Variants in GABRA2 observed in about 807,000 individuals in gnomAD.
GABRA2 encodes the protein gamma-aminobutyric acid receptor subunit alpha-2.
Under a neutral mutation model 48.7 loss-of-function variants are expected in GABRA2, and 16 were observed. The observed-to-expected ratio is 0.33, with a 90% CI of 0.22 to 0.50. The LOEUF (loss-of-function observed/expected upper bound fraction) is 0.50. Ranked by LOEUF, GABRA2 falls within the 20% of genes least tolerant of loss-of-function variation. The pLI is 0.98. For missense variants in GABRA2, 275 were observed against 535.6 expected (o/e 0.51, Z 4.80); for synonymous variants, 185 against 184.5 (o/e 1.00, Z -0.02).
chr4:46,282,465 A>G (rs1721717999), intron 8 of GABRA2, among the ~76,000 whole-genome samples: 1 of 152,230 alleles, frequency 6.6e-6, no homozygotes, highest in Non-Finnish European at 1.5e-5. Flanking sequence ...ACAACTTTAC[A>G]TGGATTTTAT....
chr4:46,292,912 T>A (rs1346080493), intron 8 of GABRA2, among the ~76,000 whole-genome samples: 1 of 152,160 alleles, frequency 6.6e-6, no homozygotes, highest in Non-Finnish European at 1.5e-5. Context: ...GATCTAACAG[T>A]GACAATTGCA....
chr4:46,290,003 C>T (rs1480145508), intron 8 of GABRA2, among the ~76,000 whole-genome samples: 1 of 150,880 alleles, frequency 6.6e-6, no homozygotes, highest in Non-Finnish European at 1.5e-5. Flanking sequence ...GACCCGCCTC[C>T]CGGGTTCACG....
At chr4:46,292,050 A>G (rs1483076714) in intron 8 of GABRA2, among the ~76,000 whole-genome samples, 1 of 152,054 alleles carries the variant, frequency 6.6e-6, no homozygotes, top group African/African-American at 2.4e-5. Flanking sequence ...AGTTACGCCA[A>G]ATGAGTGCAT....
At chr4:46,387,841 AG>A (rs1343883564) in intron 2 of GABRA2, among the ~76,000 whole-genome samples, 1 of 152,170 alleles carries the variant, frequency 6.6e-6, no homozygotes, top group Non-Finnish European at 1.5e-5. Context: ...AATAGTTACA[AG>A]AACATTCTTA....
chr4:46,334,208 T>C (rs968504692), intron 3 of GABRA2, among the ~76,000 whole-genome samples: 5 of 152,150 alleles, frequency 3.3e-5, no homozygotes, highest in Non-Finnish European at 7.4e-5. Flanking sequence ...CCATGCTTCA[T>C]TTAATGGTCT....
chr4:46,314,596 G>T (rs142560319), intron 4 of GABRA2, among the ~76,000 whole-genome samples: 2 of 152,154 alleles, frequency 1.3e-5, no homozygotes, highest in East Asian at 3.9e-4. Context: ...CAGAGAGTTA[G>T]CATGTTACCC....
intron 3 of GABRA2, among the ~76,000 whole-genome samples, chr4:46,336,553 T>C (rs1387270494): frequency 1.3e-5 from 2 of 152,150 alleles, no homozygotes; most frequent in Admixed American, 1.3e-4. Context: ...CCAAGAGTAA[T>C]ATGCAAAAGT....
At chr4:46,376,351 C>A (rs1015026413) in intron 3 of GABRA2, among the ~76,000 whole-genome samples, 7 of 152,096 alleles carry the variant, frequency 4.6e-5, no homozygotes, top group African/African-American at 1.7e-4. Flanking sequence ...GCTTATGGTC[C>A]AATTTATCCA....
At chr4:46,300,067 T>C (rs1383494879) in intron 8 of GABRA2, among the ~76,000 whole-genome samples, 2 of 152,146 alleles carry the variant, frequency 1.3e-5, no homozygotes, top group East Asian at 3.9e-4. Flanking sequence ...ATAGTAATAA[T>C]GATAACAATG....
chr4:46,384,420 C>T (rs376418717), intron 3 of GABRA2, among the ~76,000 whole-genome samples: 13 of 152,004 alleles, frequency 8.6e-5, no homozygotes, highest in African/African-American at 2.7e-4. Flanking sequence ...TGAATGCAAG[C>T]GTTGGAAATA....
chr4:46,369,381 G>A (rs1176240211), intron 3 of GABRA2, among the ~76,000 whole-genome samples: 1 of 152,100 alleles, frequency 6.6e-6, no homozygotes, highest in African/African-American at 2.4e-5. Flanking sequence ...TTAAAAACAA[G>A]AATAGGCCAA....
chr4:46,386,274 T>C (rs993632699), intron 2 of GABRA2, 85 bp from the exon 3 acceptor site: 3 of 788,986 alleles, frequency 3.8e-6, no homozygotes, highest in African/African-American at 1.8e-5. Context: ...AATTTAAATT[T>C]TAACACTCCC....
Position 46,312,590 on chromosome 4 carries a change from A to T in GABRA2, c.382T>A (p.Phe128Ile). ...GCTACTGATTTTTTCCCATTGTGAA[A>T]AAAGGTATCTGGAGTCCAGATTTTG... ...ASKIWTPDTF[F>I]HNGKKSVAHN... The change falls in exon 5 of 10, where the codon TTT (phenylalanine) becomes ATT (isoleucine). Residue 128 changes from phenylalanine to isoleucine, a missense_variant. Physicochemically the swap from Phe to Ile is conservative, Grantham distance 21. This residue lies in a region of GABRA2 where 113 missense variants were observed against 257.1 expected (regional missense o/e 0.44). Coordinates refer to ENST00000381620, the MANE Select transcript of GABRA2 (RefSeq NM_000807.4). The T allele has an allele frequency of 6.3e-7, 1 of 1,599,352 alleles. No homozygotes were observed. Among genetic ancestry groups the T allele is most frequent in the Non-Finnish European group, 8.5e-7 (1 of 1,174,120 alleles).
intron 3 of GABRA2, among the ~76,000 whole-genome samples, chr4:46,362,069 A>G (rs965394513): frequency 6.6e-6 from 1 of 152,140 alleles, no homozygotes; most frequent in African/African-American, 2.4e-5. Context: ...GACTTTTGAG[A>G]TAATGATGAA....
At chr4:46,359,453 G>A (rs907538798) in intron 3 of GABRA2, among the ~76,000 whole-genome samples, 6 of 151,980 alleles carry the variant, frequency 3.9e-5, no homozygotes, top group African/African-American at 7.3e-5. Context: ...AGCCTAAGAC[G>A]ATGGACAAGT....
At chr4:46,299,675 C>CTTTT (rs200453930) in intron 8 of GABRA2, among the ~76,000 whole-genome samples, 1 of 139,432 alleles carries the variant, frequency 7.2e-6, no homozygotes, top group Non-Finnish European at 1.6e-5. Context: ...GGGTTTCTTT[C>CTTTT]TTTTTTTTTT....
At chr4:46,273,878 T>G (rs543993515) in intron 8 of GABRA2, among the ~76,000 whole-genome samples, 3 of 152,194 alleles carry the variant, frequency 2.0e-5, no homozygotes, top group South Asian at 4.1e-4. Flanking sequence ...TATCTATTCA[T>G]TTTAAGGGCA....
chr4:46,338,919 T>C (rs1476163955), intron 3 of GABRA2, among the ~76,000 whole-genome samples: 1 of 151,926 alleles, frequency 6.6e-6, no homozygotes, highest in Non-Finnish European at 1.5e-5. Context: ...AGTTTCAAAA[T>C]ATAGCTCAGG....
At chr4:46,334,398 C>T (rs1731865063) in intron 3 of GABRA2, among the ~76,000 whole-genome samples, 1 of 152,098 alleles carries the variant, frequency 6.6e-6, no homozygotes, top group Admixed American at 6.6e-5. Context: ...AAATTAATCA[C>T]ACTATTACAT....
Sources: allele counts gnomAD v4.1 joint callset (sites outside exome capture counted in the v4.1 genomes callset), GRCh38; gene constraint gnomAD v4.1.1; regional missense constraint gnomAD v4.1.1; transcripts MANE v1.5; gene names NCBI Gene and HGNC (gene_info 2026-07-23, HGNC 2026-07-21).